RTTN: variants seen among roughly 807,000 people sequenced by gnomAD.
RTTN encodes the protein rotatin.
RTTN carries 182 observed loss-of-function variants against 269.2 expected under a neutral mutation model. The ratio of observed to expected loss-of-function variants is 0.68; its 90% CI spans 0.60 to 0.76. The LOEUF (loss-of-function observed/expected upper bound fraction) is 0.76. Ranked by LOEUF, RTTN falls within the 30% of genes least tolerant of loss-of-function variation. The probability of loss-of-function intolerance (pLI) is 0.00; values close to 1 mark genes in which losing one functional copy is unlikely to be tolerated. For synonymous variants in RTTN, 1,006 were observed against 963.5 expected (o/e 1.04, Z -0.82); for missense variants, 2,545 against 2,608.6 (o/e 0.98, Z 0.53).
chr18:70,178,793 T>C (rs1244975462), intron 10 of RTTN, among the ~76,000 whole-genome samples: 1 of 152,042 alleles, frequency 6.6e-6, no homozygotes, highest in East Asian at 1.9e-4. Flanking sequence ...ATATGAATAG[T>C]GAATAATTTA....
intron 46 of RTTN, 174 bp from the exon 47 acceptor site, chr18:70,006,658 C>A (rs1025730972): frequency 5.2e-6 from 3 of 582,264 alleles, no homozygotes; most frequent in Non-Finnish European, 9.3e-6. Context: ...GGAGGACAAC[C>A]TCAAAACATT....
intron 26 of RTTN, among the ~76,000 whole-genome samples, chr18:70,118,805 C>G (rs2059661764): frequency 6.6e-6 from 1 of 152,076 alleles, no homozygotes; most frequent in Non-Finnish European, 1.5e-5. Context: ...AAATGTGATA[C>G]ACCAAATTAA....
Position 70,127,541 on chromosome 18 carries a change from A to G in RTTN, c.3344T>C (p.Val1115Ala). 6.2e-7 allele frequency: 1 copy of G among 1,613,482 alleles called. No individual in the cohort carries two copies. Among genetic ancestry groups the G allele is most frequent in the Non-Finnish European group, 8.5e-7 (1 of 1,179,690 alleles). ...GTGCCAAGCCAAGGACTTCAAGGTA[A>G]CCCCACATGGACCAGGGCAACCCTT... ...SLKGCPGPCG[V>A]TLKSLAWHTA... Residue 1115 changes from valine (V) to alanine (A), a missense_variant, in exon 25 of 49, where the codon GTT becomes GCT. Coordinates refer to ENST00000640769, the MANE Select transcript of RTTN (RefSeq NM_173630.4).
intron 8 of RTTN, among the ~76,000 whole-genome samples, chr18:70,190,939 G>C (rs1280436213): frequency 6.6e-6 from 1 of 152,136 alleles, no homozygotes. Context: ...TGTCATCCCA[G>C]CACTTTGGGA....
chr18:70,006,377 TG>T lies in RTTN; in HGVS notation c.6525+3del. 6.2e-7 allele frequency: 1 copy of T among 1,609,044 alleles called. No individual in the cohort carries two copies. Among genetic ancestry groups the T allele is most frequent in the South Asian group, 1.1e-5 (1 of 90,970 alleles). On this transcript the variant is annotated splice_donor_region_variant and intron_variant, in intron 47 of 48. Transcript: ENST00000640769. ...CAGGTGTAACAATGATTTTTAAAACTGACCTTCTGATAATTGTAAATCAGAG... is the reference window on the plus strand; with the variant it reads ...CAGGTGTAACAATGATTTTTAAAACTACCTTCTGATAATTGTAAATCAGAG...
chr18:70,110,753 A>G (rs2059443398), intron 27 of RTTN, among the ~76,000 whole-genome samples: 1 of 152,188 alleles, frequency 6.6e-6, no homozygotes, highest in Non-Finnish European at 1.5e-5. Flanking sequence ...CAGGGAGCCA[A>G]GTGGTCTGGC....
At chr18:70,171,223 G>A (rs1197599018) in intron 11 of RTTN, among the ~76,000 whole-genome samples, 1 of 152,158 alleles carries the variant, frequency 6.6e-6, no homozygotes, top group African/African-American at 2.4e-5. Flanking sequence ...TCAGTCCTGG[G>A]GTTCCACTCC....
At chr18:70,047,596 A>G (rs2057526736) in intron 40 of RTTN, among the ~76,000 whole-genome samples, 1 of 152,256 alleles carries the variant, frequency 6.6e-6, no homozygotes, top group Non-Finnish European at 1.5e-5. Flanking sequence ...AATGTCACTT[A>G]GAATATATTT....
intron 35 of RTTN, chr18:70,061,500 A>G (rs925946087): frequency 6.7e-6 from 3 of 447,764 alleles, no homozygotes; most frequent in South Asian, 3.2e-5. Flanking sequence ...ACGTGTGTGT[A>G]TATACGTATG....
intron 19 of RTTN, among the ~76,000 whole-genome samples, chr18:70,140,480 A>C (rs2060229033): frequency 6.6e-6 from 1 of 152,202 alleles, no homozygotes; most frequent in Non-Finnish European, 1.5e-5. Flanking sequence ...ATTTAAGTGT[A>C]CAAATGAATG....
chr18:70,042,532 T>C (rs1295792188), intron 40 of RTTN, among the ~76,000 whole-genome samples: 1 of 152,020 alleles, frequency 6.6e-6, no homozygotes, highest in East Asian at 1.9e-4. Flanking sequence ...CCCGCCGCCA[T>C]GTCTGGCTAA....
intron 27 of RTTN, among the ~76,000 whole-genome samples, chr18:70,114,224 T>C (rs1277586259): frequency 1.3e-5 from 2 of 152,118 alleles, no homozygotes. Context: ...TGTGTGCATA[T>C]GTGAGTGCAT....
chr18:70,181,470 G>A (rs1290146119), intron 10 of RTTN, among the ~76,000 whole-genome samples: 1 of 151,890 alleles, frequency 6.6e-6, no homozygotes, highest in East Asian at 1.9e-4. Context: ...AACTAATTTT[G>A]GTGAAAATAT....
intron 14 of RTTN, 60 bp downstream of exon 14, chr18:70,166,001 AT>A: frequency 6.5e-7 from 1 of 1,546,902 alleles, no homozygotes; most frequent in South Asian, 1.2e-5. Flanking sequence ...GTTTGAAGGT[AT>A]AACAAGAGAG....
intron 14 of RTTN, among the ~76,000 whole-genome samples, chr18:70,151,875 T>C (rs1324743054): frequency 2.6e-5 from 4 of 152,172 alleles, no homozygotes; most frequent in African/African-American, 4.8e-5. Context: ...TTGATAACAA[T>C]TCATTTTTCA....
At chr18:70,145,032 A>G (rs1339522828) in intron 18 of RTTN, among the ~76,000 whole-genome samples, 1 of 152,166 alleles carries the variant, frequency 6.6e-6, no homozygotes, top group Non-Finnish European at 1.5e-5. Context: ...GCCGCTGCCC[A>G]TTGCTGCCAT....
In RTTN at chr18:70,193,274, C is replaced by T; in HGVS notation, c.1007+14G>A. On this transcript the variant is annotated intron_variant, in intron 8 of 48. Transcript: ENST00000640769. ...GGCATTTCTCATTTCCCCAGAGACA[C>T]TGCTAGCAGTCACCTAGAGGACGCT... 6.2e-7 allele frequency: 1 copy of T among 1,605,190 alleles called. No homozygotes were observed. The highest frequency in any genetic ancestry group is 1.1e-5 in the South Asian group (1 of 90,208).
chr18:70,151,739 T>C (rs1444104682), intron 14 of RTTN, among the ~76,000 whole-genome samples: 2 of 152,150 alleles, frequency 1.3e-5, no homozygotes, highest in Non-Finnish European at 2.9e-5. Flanking sequence ...ACTATCCCCT[T>C]CTGAAACCAA....
rs1484439251 is a variant in RTTN, at chr18:70,114,510, T to C, written c.3618A>G (p.Gln1206=). 4 of 1,613,596 alleles carry C rather than the reference T, an allele frequency of 2.5e-6. No individual in the cohort carries two copies. The African/African-American group carries it at 4.0e-5, about 16-fold the overall frequency. Residue 1206 remains glutamine (Q), a synonymous_variant, in exon 27 of 49, where the codon CAA becomes CAG. Transcript: ENST00000640769. ...AAAGAGCAATCAGTTCTTTCTGAAGTTGTTGCCTGACAGCAGTCCGGATAT... is the reference window on the plus strand; with the variant it reads ...AAAGAGCAATCAGTTCTTTCTGAAGCTGTTGCCTGACAGCAGTCCGGATAT... The part of the protein sequence containing the change: ...TDDIRTAVRQ[Q]LQKELIALFD...
Sources: allele counts gnomAD v4.1 joint callset (sites outside exome capture counted in the v4.1 genomes callset), GRCh38; gene constraint gnomAD v4.1.1; transcripts MANE v1.5; gene names NCBI Gene and HGNC (gene_info 2026-07-23, HGNC 2026-07-21).